CDH4: variants seen among roughly 807,000 people sequenced by gnomAD.
CDH4 encodes the protein cadherin-4.
Under a neutral mutation model 86.0 loss-of-function variants are expected in CDH4, and 33 were observed. That is an observed-to-expected ratio of 0.38 (90% CI 0.29 to 0.51). CDH4 has a LOEUF of 0.51. Among genes scored for constraint, CDH4 ranks in the 20% least tolerant of loss-of-function variants. The pLI, the probability that CDH4 is intolerant of heterozygous loss-of-function variation, is 0.86. For synonymous variants in CDH4, 555 were observed against 549.4 expected (o/e 1.01, Z -0.14); for missense variants, 1,114 against 1,307.4 (o/e 0.85, Z 2.28).
intron 6 of CDH4, among the ~76,000 whole-genome samples, chr20:61,871,659 G>A (rs1297134121): frequency 6.6e-6 from 1 of 152,146 alleles, no homozygotes; most frequent in Non-Finnish European, 1.5e-5. Flanking sequence ...CAGGCTTGTT[G>A]TGCTCTAAAG....
In CDH4 at chr20:61,383,195, ATATT is replaced by A. The variant is rs1177702859; in HGVS notation, c.169+128262_169+128265del. ...AATATATTTATGAATATATATGAAT[ATATT>A]TATATATGAATATATATGAATATAT... On this transcript the variant is annotated intron_variant, in intron 2 of 15. Transcript: ENST00000614565. 1.3e-4 allele frequency among the ~76,000 whole-genome samples: 13 copies of A among 101,930 alleles called. 2 individuals are homozygous for A. Among genetic ancestry groups the A allele is most frequent in the Admixed American group, 7.7e-4 (7 of 9,122 alleles). The allele number at this position is 101,930 out of a possible 152,430, so 66.9% of individuals were successfully genotyped here. A position where few individuals can be genotyped will look rare whatever the true frequency, so the allele number is the denominator to read the frequency against.
chr20:61,403,756 A>C (rs73316309), intron 2 of CDH4, among the ~76,000 whole-genome samples: 2,178 of 152,154 alleles, frequency 0.014, 36 homozygotes, highest in African/African-American at 0.037. Flanking sequence ...CGCACGGGAC[A>C]ATTTTTTTTG....
At chr20:61,838,442 G>A (rs770772592) in intron 4 of CDH4, among the ~76,000 whole-genome samples, 3 of 152,110 alleles carry the variant, frequency 2.0e-5, no homozygotes, top group Non-Finnish European at 4.4e-5. Context: ...TTGGGGCCAC[G>A]GAGAAGCTGC....
chr20:61,718,706 T>C (rs762493777), intron 2 of CDH4: 20 of 429,608 alleles, frequency 4.7e-5, no homozygotes, highest in Admixed American at 1.5e-4. Flanking sequence ...TGAATTAGCT[T>C]ACTCAACTGA....
At chr20:61,717,437 G>A (rs6089487) in intron 2 of CDH4, 28,107 of 142,790 alleles carry the variant, frequency 0.2, 2,842 homozygotes, top group South Asian at 0.25. Flanking sequence ...CAGATATTTC[G>A]TGGGGTTTTT....
chr20:61,906,710 C>T (rs1600759636), intron 8 of CDH4, among the ~76,000 whole-genome samples: 2 of 151,870 alleles, frequency 1.3e-5, no homozygotes, highest in African/African-American at 2.4e-5. Context: ...GGGAATGGCC[C>T]GGGGCCAGGT....
rs549871222 is a variant in CDH4, at chr20:61,358,464, A to G, written c.169+103527A>G. Among the ~76,000 whole-genome samples, 15 of 152,350 alleles carry G rather than the reference A, an allele frequency of 9.8e-5. No homozygotes were observed. In the South Asian group the frequency reaches 1.0e-3, roughly 11 times the overall value. On this transcript the variant is annotated intron_variant, in intron 2 of 15. Transcript: ENST00000614565. The stretch of plus-strand genomic sequence containing the variant: ...GGGCCTGGGGCAGAGCGAACATTTC[A>G]TAAATATTGGTTGAATGAAAGCTGA...
chr20:61,881,596 G>A (rs952279220), intron 7 of CDH4, among the ~76,000 whole-genome samples: 1 of 152,224 alleles, frequency 6.6e-6, no homozygotes, highest in Non-Finnish European at 1.5e-5. Context: ...GGCGGCTGGG[G>A]TCGTAGCTGG....
chr20:61,569,599 G>A (rs1169224438), intron 2 of CDH4, among the ~76,000 whole-genome samples: 1 of 152,108 alleles, frequency 6.6e-6, no homozygotes, highest in African/African-American at 2.4e-5. Flanking sequence ...TAACTACAAT[G>A]CAATTACTAA....
Position 61,269,981 on chromosome 20 carries a change from C to T in CDH4, c.169+15044C>T, listed in dbSNP as rs1218831745. On this transcript the variant is annotated intron_variant, in intron 2 of 15. Transcript: ENST00000614565. The surrounding 1 kb of genome is among the most constrained non-coding windows in gnomAD (Gnocchi z 5.3). ...AGGGCCGGCCGACCTTTGCGGCAGT[C>T]ATTTTTCCATCAGAAGGTGGCTTGA... 3.3e-5 allele frequency among the ~76,000 whole-genome samples: 5 copies of T among 152,212 alleles called. No individual in the cohort carries two copies. Among genetic ancestry groups the T allele is most frequent in the African/African-American group, 1.2e-4 (5 of 41,458 alleles).
chr20:61,463,691 A>G (rs2085457335), intron 2 of CDH4, among the ~76,000 whole-genome samples: 1 of 152,088 alleles, frequency 6.6e-6, no homozygotes, highest in South Asian at 2.1e-4. Context: ...TAAAAGAAAA[A>G]CTGCACCAGG....
chr20:61,905,871 G>A (rs756795942), intron 8 of CDH4, among the ~76,000 whole-genome samples: 15 of 151,920 alleles, frequency 9.9e-5, no homozygotes, highest in Non-Finnish European at 2.1e-4. Context: ...CTGGCAGCTT[G>A]AAAAAAAAGA....
At chr20:61,465,407 C>T (rs1452681180) in intron 2 of CDH4, among the ~76,000 whole-genome samples, 3 of 151,784 alleles carry the variant, frequency 2.0e-5, no homozygotes, top group African/African-American at 7.3e-5. Flanking sequence ...TTTTCACACA[C>T]GTGAAATGTT....
chr20:61,400,399 G>A (rs1489626311), intron 2 of CDH4, among the ~76,000 whole-genome samples: 1 of 152,188 alleles, frequency 6.6e-6, no homozygotes, highest in Non-Finnish European at 1.5e-5. Flanking sequence ...TGCACTGGGG[G>A]TAGCTTTGCT....
At chr20:61,457,173 T>C (rs1487439221) in intron 2 of CDH4, among the ~76,000 whole-genome samples, 1 of 152,124 alleles carries the variant, frequency 6.6e-6, no homozygotes, top group Non-Finnish European at 1.5e-5. Flanking sequence ...GGGGGCCCTT[T>C]TGGAGACAAG....
chr20:61,462,166 G>A (rs1282068454), intron 2 of CDH4, among the ~76,000 whole-genome samples: 1 of 152,186 alleles, frequency 6.6e-6, no homozygotes, highest in Non-Finnish European at 1.5e-5. Context: ...TGGTAAGAAG[G>A]GTATTTGAAC....
chr20:61,855,723 C>A (rs1341578890), intron 6 of CDH4, among the ~76,000 whole-genome samples: 1 of 152,260 alleles, frequency 6.6e-6, no homozygotes, highest in Admixed American at 6.5e-5. Context: ...CGTAAGTCCA[C>A]GTAAGCCAAG....
chr20:61,601,497 C>T (rs1271733411), intron 2 of CDH4, among the ~76,000 whole-genome samples: 3 of 152,222 alleles, frequency 2.0e-5, no homozygotes, highest in African/African-American at 7.2e-5. Flanking sequence ...TGCGGCCCAA[C>T]ACTGCGGTGC....
chr20:61,298,524 T>C (rs1215249655), intron 2 of CDH4, among the ~76,000 whole-genome samples: 1 of 152,080 alleles, frequency 6.6e-6, no homozygotes, highest in African/African-American at 2.4e-5. Flanking sequence ...GAACACGGCA[T>C]GCACAACCAC....
Sources: allele counts gnomAD v4.1 joint callset (sites outside exome capture counted in the v4.1 genomes callset), GRCh38; gene constraint gnomAD v4.1.1; non-coding constraint Gnocchi (gnomAD v3.1); transcripts MANE v1.5; gene names NCBI Gene and HGNC (gene_info 2026-07-23, HGNC 2026-07-21).